Variants in FAM118B observed in about 807,000 individuals in gnomAD.
The protein encoded by FAM118B is protein FAM118B.
Under a neutral mutation model 38.5 loss-of-function variants are expected in FAM118B, and 24 were observed. That is an observed-to-expected ratio of 0.62 (90% CI 0.45 to 0.88). FAM118B has a LOEUF of 0.88. Ranked by LOEUF, FAM118B falls within the 40% of genes least tolerant of loss-of-function variation. The probability of loss-of-function intolerance (pLI) is 0.00; values close to 1 mark genes in which losing one functional copy is unlikely to be tolerated. For missense variants in FAM118B, 334 were observed against 420.0 expected (o/e 0.80, Z 1.79); for synonymous variants, 138 against 156.3 (o/e 0.88, Z 0.87).
intron 1 of FAM118B, among the ~76,000 whole-genome samples, chr11:126,213,322 C>T (rs1179283116): frequency 1.3e-5 from 2 of 152,122 alleles, no homozygotes; most frequent in African/African-American, 4.8e-5. Context: ...GGCTTGTGTA[C>T]GTTTCTCTTA....
At chr11:126,224,157 A>G (rs1208408571) in intron 1 of FAM118B, among the ~76,000 whole-genome samples, 3 of 152,138 alleles carry the variant, frequency 2.0e-5, no homozygotes, top group African/African-American at 7.2e-5. Flanking sequence ...CTTACATTCT[A>G]GTGGAGGAGG....
At position 126,244,286 on chromosome 11, in the gene FAM118B, A is replaced by G. The variant is rs1173782219; in HGVS notation, c.339+3242A>G. ...CTAAAGGAATCCATATTGGAAAGGA[A>G]GAAGTAAACTGCCTCTGTTTGCAGA... On this transcript the variant is annotated intron_variant, in intron 4 of 8. Coordinates refer to ENST00000533050, the MANE Select transcript of FAM118B (RefSeq NM_024556.4). The surrounding 1 kb of genome is among the most constrained non-coding windows in gnomAD (Gnocchi z 4.5). Among the ~76,000 whole-genome samples the G allele has an allele frequency of 6.6e-6, 1 of 152,248 alleles. No individual in the cohort carries two copies. Among genetic ancestry groups the G allele is most frequent in the South Asian group, 2.1e-4 (1 of 4,832 alleles).
intron 2 of FAM118B, among the ~76,000 whole-genome samples, chr11:126,232,694 T>G (rs2080170102): frequency 6.6e-6 from 1 of 151,686 alleles, no homozygotes; most frequent in Non-Finnish European, 1.5e-5. Context: ...TTTTAAAGTT[T>G]TTTTAAAACT....
intron 1 of FAM118B, among the ~76,000 whole-genome samples, chr11:126,224,701 G>T (rs1191839472): frequency 1.3e-5 from 2 of 152,156 alleles, no homozygotes; most frequent in Non-Finnish European, 2.9e-5. Flanking sequence ...CAGGCAGAAG[G>T]AATGATCTAT....
rs1035903772 is a variant in FAM118B, at chr11:126,252,603, C to A, written c.568-1702C>A. Among the ~76,000 whole-genome samples the A allele has an allele frequency of 2.0e-5, 3 of 152,088 alleles. No individual in the cohort carries two copies. Among genetic ancestry groups the A allele is most frequent in the Admixed American group, 6.6e-5 (1 of 15,264 alleles). On this transcript the variant is annotated intron_variant, in intron 5 of 8. Coordinates refer to ENST00000533050, the MANE Select transcript of FAM118B (RefSeq NM_024556.4). This position sits in a 1 kb window ranked among gnomAD's most constrained non-coding sequence, Gnocchi z 4.7. ...ACAAAAAGTTTAAAAATTAGCCGGGCATGGTGGTGTTTGCCTGTGGTCCCA... is the reference window on the plus strand; with the variant it reads ...ACAAAAAGTTTAAAAATTAGCCGGGAATGGTGGTGTTTGCCTGTGGTCCCA...
intron 1 of FAM118B, among the ~76,000 whole-genome samples, chr11:126,220,981 G>A (rs1283590842): frequency 6.6e-6 from 1 of 152,134 alleles, no homozygotes; most frequent in Non-Finnish European, 1.5e-5. Flanking sequence ...GAGGCCAGGA[G>A]TTTGAAACCA....
Position 126,256,823 on chromosome 11 carries a change from CAT to C in FAM118B, c.954_955del (p.Cys319Ter). 20 of 1,613,694 alleles carry C rather than the reference CAT, an allele frequency of 1.2e-5. No individual in the cohort carries two copies. Among genetic ancestry groups the C allele is most frequent in the South Asian group, 5.5e-5 (5 of 91,068 alleles). ...CTTCCAGAATATTTCAAGCGACTGA[CAT>C]GTGAGATCTCCACAAGGGGTACATC... On this transcript the variant is annotated frameshift_variant, in exon 7 of 9. Transcript: ENST00000533050. LOFTEE classifies it high-confidence loss of function. This position sits in a 1 kb window ranked among gnomAD's most constrained non-coding sequence, Gnocchi z 6.6.
chr11:126,226,497 G>A (rs1448318371), intron 1 of FAM118B, among the ~76,000 whole-genome samples: 3 of 151,978 alleles, frequency 2.0e-5, no homozygotes, highest in African/African-American at 7.3e-5. Context: ...GGAACGTGGC[G>A]CAAGTTCCTA....
At chr11:126,229,024 TAGTA>T (rs1275290683) in intron 1 of FAM118B, among the ~76,000 whole-genome samples, 197 bp from the exon 2 acceptor site, 1 of 152,210 alleles carries the variant, frequency 6.6e-6, no homozygotes, top group Non-Finnish European at 1.5e-5. Flanking sequence ...ACTATTTTTG[TAGTA>T]GAAATTCAAT....
At chr11:126,232,089 G>A (rs769208593) in intron 2 of FAM118B, among the ~76,000 whole-genome samples, 1 of 152,138 alleles carries the variant, frequency 6.6e-6, no homozygotes, top group Non-Finnish European at 1.5e-5. Flanking sequence ...GTTAATACAG[G>A]TTTATTATTC....
At chr11:126,229,534 C>T (rs1950182793) in intron 2 of FAM118B, among the ~76,000 whole-genome samples, 2 of 152,110 alleles carry the variant, frequency 1.3e-5, no homozygotes, top group African/African-American at 2.4e-5. Flanking sequence ...CCTCTGCCTC[C>T]CAGGTTCAAG....
rs79327334 is a variant in FAM118B, at chr11:126,231,716, A to G, written c.-8+2423A>G. ...TCAGAAAAGTTGACTGTGTAAAGAA[A>G]TAAGTCAGAAAGCTTAGTATTCAGG... On this transcript the variant is annotated intron_variant, in intron 2 of 8. Transcript: ENST00000533050. Among the ~76,000 whole-genome samples the G allele has an allele frequency of 5.7e-3, 872 of 152,362 alleles. 3 individuals carry two copies. The highest frequency in any genetic ancestry group is 9.0e-3 in the Admixed American group (137 of 15,304).
chr11:126,239,768 C>T (rs1950331199), intron 3 of FAM118B, among the ~76,000 whole-genome samples: 1 of 152,160 alleles, frequency 6.6e-6, no homozygotes, highest in African/African-American at 2.4e-5. Flanking sequence ...CCCACCTTGG[C>T]CCCCCAAAGT....
At chr11:126,260,418 T>C (rs1950665163) in intron 7 of FAM118B, 1 of 152,070 alleles carries the variant, frequency 6.6e-6, no homozygotes, top group African/African-American at 2.4e-5. Flanking sequence ...TTTTGGTCCT[T>C]TGAAAATTCA....
At chr11:126,233,164 A>G (rs998616857) in intron 2 of FAM118B, among the ~76,000 whole-genome samples, 1 of 152,192 alleles carries the variant, frequency 6.6e-6, no homozygotes, top group Non-Finnish European at 1.5e-5. Context: ...CTTTATTTTC[A>G]AGAATATATA....
In FAM118B at chr11:126,229,260, A is replaced by G. The variant is rs1337776435; in HGVS notation, c.-41A>G. ...CTCAGAAGCTGCACAGGAGGAAAGC[A>G]GTGACAAAGAAAGAAGTTGTCATTC... On this transcript the variant is annotated 5_prime_UTR_variant, in exon 2 of 9. Coordinates refer to ENST00000533050, the MANE Select transcript of FAM118B (RefSeq NM_024556.4). 1 of 152,228 alleles carries G rather than the reference A, an allele frequency of 6.6e-6. No homozygotes were observed. The highest frequency in any genetic ancestry group is 1.9e-4 in the East Asian group (1 of 5,190). 9.4% of individuals were successfully genotyped at this position (152,228 alleles called of 1,614,324 possible).
chr11:126,219,185 C>T (rs597828), intron 1 of FAM118B, among the ~76,000 whole-genome samples: 1 of 151,654 alleles, frequency 6.6e-6, no homozygotes, highest in Non-Finnish European at 1.5e-5. Flanking sequence ...ATTTTAATAG[C>T]GTACTTTGAA....
rs1950527205 is a variant in FAM118B, at chr11:126,253,072, C to T, written c.568-1233C>T. 6.6e-6 allele frequency among the ~76,000 whole-genome samples: 1 copy of T among 152,188 alleles called. No homozygotes were observed. Among genetic ancestry groups the T allele is most frequent in the Non-Finnish European group, 1.5e-5 (1 of 68,030 alleles). ...CAAATGATTGAAATTTTAAAACTAG[C>T]AGCTTCTATGCTATTTGTGATAAAA... is the stretch of plus-strand genomic sequence containing the variant. On this transcript the variant is annotated intron_variant, in intron 5 of 8. Transcript: ENST00000533050. This position sits in a 1 kb window ranked among gnomAD's most constrained non-coding sequence, Gnocchi z 5.1.
chr11:126,238,919 A>G (rs1208414086), intron 3 of FAM118B, among the ~76,000 whole-genome samples: 1 of 151,762 alleles, frequency 6.6e-6, no homozygotes. Flanking sequence ...GGTGGTTTAC[A>G]AAGAACCAGT....
Sources: allele counts gnomAD v4.1 joint callset (sites outside exome capture counted in the v4.1 genomes callset), GRCh38; gene constraint gnomAD v4.1.1; non-coding constraint Gnocchi (gnomAD v3.1); transcripts MANE v1.5; gene names NCBI Gene and HGNC (gene_info 2026-07-23, HGNC 2026-07-21).